DCAF10: variants seen among roughly 807,000 people sequenced by gnomAD.
DCAF10 encodes DDB1- and CUL4-associated factor 10.
In DCAF10, 19 loss-of-function variants were observed where a neutral mutation model predicts 51.9. The ratio of observed to expected loss-of-function variants is 0.37; its 90% CI spans 0.26 to 0.54. The LOEUF (loss-of-function observed/expected upper bound fraction) is 0.54, where lower values mean the gene tolerates loss of function less well. Among genes scored for constraint, DCAF10 ranks in the 20% least tolerant of loss-of-function variants. The pLI, the probability that DCAF10 is intolerant of heterozygous loss-of-function variation, is 0.87. For missense variants in DCAF10, 510 were observed against 730.6 expected, an observed-to-expected ratio of 0.70 and a Z score of 3.48; for synonymous variants, 291 against 297.1, an observed-to-expected ratio of 0.98 and a Z score of 0.21.
rs1457512449 is a variant in DCAF10, at chr9:37,861,510, C to T, written c.*2C>T. ...TCTTTGTATCAGCCAAAGTTTTAGG[C>T]ACAACTTACATCAAATAAGGAACTC... On this transcript the variant is annotated 3_prime_UTR_variant, in exon 7 of 7. Coordinates refer to ENST00000377724, the MANE Select transcript of DCAF10 (RefSeq NM_024345.5). This position sits in a 1 kb window ranked among gnomAD's most constrained non-coding sequence, Gnocchi z 4.9. 11 of 1,602,030 alleles carry T rather than the reference C, an allele frequency of 6.9e-6. No homozygotes were observed. The highest frequency in any genetic ancestry group is 9.4e-6 in the Non-Finnish European group (11 of 1,170,842).
chr9:37,807,576 CTATA>C lies in DCAF10; in HGVS notation c.539+6174_539+6177del, dbSNP rs1444272929. Among the ~76,000 whole-genome samples, 4 of 148,392 alleles carry C rather than the reference CTATA, an allele frequency of 2.7e-5. No homozygotes were observed. In the South Asian group the frequency reaches 8.5e-4, roughly 32 times the overall value. ...ATCACCTGGTGAGCATTTTTATAAT[CTATA>C]TAGGTTAATTTATTTAGAAAATGTT... On this transcript the variant is annotated intron_variant, in intron 1 of 6. Transcript: ENST00000377724.
At chr9:37,854,724 C>A in intron 3 of DCAF10, 56 bp from the exon 4 acceptor site, 1 of 1,513,214 alleles carries the variant, frequency 6.6e-7, no homozygotes, top group Non-Finnish European at 9.0e-7. Context: ...ATGATTATTA[C>A]TGAACCGTTA....
At chr9:37,808,564 A>G (rs1829203181) in intron 1 of DCAF10, among the ~76,000 whole-genome samples, 1 of 106,816 alleles carries the variant, frequency 9.4e-6, no homozygotes, top group African/African-American at 3.4e-5. Flanking sequence ...AAAATATATA[A>G]TACATAATAT....
chr9:37,847,404 C>A (rs547845433), intron 3 of DCAF10, among the ~76,000 whole-genome samples: 4 of 150,082 alleles, frequency 2.7e-5, no homozygotes, highest in African/African-American at 9.8e-5. Flanking sequence ...CCCAGGAATA[C>A]AGGGTTGGTT....
chr9:37,850,860 AT>A (rs1830623986), intron 3 of DCAF10, among the ~76,000 whole-genome samples: 5 of 109,542 alleles, frequency 4.6e-5, no homozygotes, highest in Non-Finnish European at 8.9e-5. Flanking sequence ...ATATATATAT[AT>A]ATATATATAT....
At chr9:37,840,788 A>G (rs573352122) in intron 2 of DCAF10, among the ~76,000 whole-genome samples, 52 of 152,310 alleles carry the variant, frequency 3.4e-4, no homozygotes, top group Admixed American at 7.2e-4. Flanking sequence ...CACCCAGAGC[A>G]ACTCCCACGC....
intron 1 of DCAF10, among the ~76,000 whole-genome samples, chr9:37,811,326 T>C (rs1436830481): frequency 2.0e-5 from 3 of 152,188 alleles, no homozygotes; most frequent in Non-Finnish European, 4.4e-5. Flanking sequence ...AGCAAGACCC[T>C]GTCTCTAAAG....
intron 2 of DCAF10, among the ~76,000 whole-genome samples, chr9:37,832,712 T>G (rs921733357): frequency 5.9e-5 from 9 of 151,852 alleles, no homozygotes; most frequent in Admixed American, 2.6e-4. Context: ...GAATTAAGAG[T>G]AGTGATCAAT....
At chr9:37,855,273 G>GT (rs1350964118) in intron 4 of DCAF10, among the ~76,000 whole-genome samples, 2 of 152,182 alleles carry the variant, frequency 1.3e-5, no homozygotes, top group African/African-American at 4.8e-5. Context: ...CTTTTCATCA[G>GT]TAATTTTGAA....
chr9:37,803,523 T>C (rs922088478), intron 1 of DCAF10, among the ~76,000 whole-genome samples: 3 of 152,010 alleles, frequency 2.0e-5, no homozygotes, highest in Non-Finnish European at 2.9e-5. Context: ...CTCATTACTA[T>C]ATTCTGATTC....
rs150137981 is a variant in DCAF10 at position 37,840,690 on chromosome 9, A to G, written c.654-1399A>G. On this transcript the variant is annotated intron_variant, in intron 2 of 6. Transcript: ENST00000377724. ...AAAAATTTTTAAATTAATTTAGTGT[A>G]GCCTAAGTGTACAGTCTTTATAATG... Among the ~76,000 whole-genome samples the G allele has an allele frequency of 5.3e-3, 812 of 152,320 alleles. 6 individuals carry two copies. Among genetic ancestry groups the G allele is most frequent in the African/African-American group, 0.019 (773 of 41,566 alleles).
At chr9:37,856,373 C>T (rs1830848520) in intron 4 of DCAF10, among the ~76,000 whole-genome samples, 1 of 152,168 alleles carries the variant, frequency 6.6e-6, no homozygotes, top group Non-Finnish European at 1.5e-5. Context: ...TTAAGTTAAA[C>T]ATGATAAGCA....
intron 2 of DCAF10, among the ~76,000 whole-genome samples, chr9:37,826,701 G>T (rs1442565446): frequency 6.6e-6 from 1 of 152,024 alleles, no homozygotes; most frequent in East Asian, 1.9e-4. Flanking sequence ...TAATGCCTGT[G>T]CCACATGTAT....
chr9:37,850,141 A>G (rs1376968110), intron 3 of DCAF10, among the ~76,000 whole-genome samples: 1 of 152,260 alleles, frequency 6.6e-6, no homozygotes, highest in Non-Finnish European at 1.5e-5. Context: ...AGAAAATCTT[A>G]CAAATTCCTC....
chr9:37,854,934 G>T lies in DCAF10; in HGVS notation c.1006G>T (p.Val336Leu), dbSNP rs751496557. 6.8e-6 allele frequency: 11 copies of T among 1,613,948 alleles called. No individual in the cohort carries two copies. In the South Asian group the frequency reaches 1.1e-4, roughly 16 times the overall value. The change falls in exon 4 of 7, where the codon GTA becomes TTA. Residue 336 changes from valine (V) to leucine (L), a missense_variant. By Grantham distance (32) the Val-to-Leu change is conservative. This residue lies in a region of DCAF10 where 126 missense variants were observed against 271.5 expected (regional missense o/e 0.46). Transcript: ENST00000377724. The stretch of plus-strand genomic sequence containing the variant: ...CCTTGACTTAACTAAGTCTTTAGAA[G>T]TAGGCAGCTATCCCATTTTAAGAGC... ...HDLDLTKSLE[V>L]GSYPILRARR...
chr9:37,806,089 A>C, intron 1 of DCAF10, among the ~76,000 whole-genome samples: 1 of 152,328 alleles, frequency 6.6e-6, no homozygotes, highest in Middle Eastern at 3.4e-3. Context: ...TGCAAAAAAT[A>C]AAATAAAATT....
intron 3 of DCAF10, among the ~76,000 whole-genome samples, chr9:37,852,513 C>G (rs1830684802): frequency 6.6e-6 from 1 of 152,088 alleles, no homozygotes; most frequent in South Asian, 2.1e-4. Flanking sequence ...TGGGAAGATT[C>G]CTTGAGCCTG....
chr9:37,803,546 C>T (rs912683848), intron 1 of DCAF10, among the ~76,000 whole-genome samples: 9 of 151,590 alleles, frequency 5.9e-5, no homozygotes, highest in African/African-American at 2.2e-4. Flanking sequence ...ACATTCTAGA[C>T]ACATGCCTGT....
chr9:37,826,021 C>A (rs777661453), intron 2 of DCAF10, among the ~76,000 whole-genome samples: 41 of 145,676 alleles, frequency 2.8e-4, no homozygotes, highest in Non-Finnish European at 4.8e-4. Flanking sequence ...AGCGACAGAG[C>A]GAGACTCCAT....
Sources: gnomAD v4.1 joint callset for allele counts (sites outside exome capture counted in the v4.1 genomes callset) on GRCh38, gnomAD v4.1.1 for gene constraint, gnomAD v4.1.1 regional missense constraint, Gnocchi (gnomAD v3.1) non-coding constraint, MANE v1.5 for transcripts, NCBI Gene and HGNC (gene_info 2026-07-23, HGNC 2026-07-21) for gene names.